The following LIPA variants were observed in gnomAD, a reference collection of about 807,000 sequenced individuals.
LIPA encodes the protein lysosomal acid lipase/cholesteryl ester hydrolase.
A neutral mutation model predicts 40.6 loss-of-function variants in LIPA; 26 were observed. The ratio of observed to expected loss-of-function variants is 0.64; its 90% CI spans 0.47 to 0.89. The LOEUF (loss-of-function observed/expected upper bound fraction) is 0.89. LIPA is among the 40% of genes least tolerant of loss of function. The pLI is 0.00. For synonymous variants in LIPA, 188 were observed against 168.4 expected (o/e 1.12, Z -0.90); for missense variants, 455 against 479.6 (o/e 0.95, Z 0.48).
intron 2 of LIPA, among the ~76,000 whole-genome samples, chr10:89,365,659 T>C (rs1844051243): frequency 6.6e-6 from 1 of 152,122 alleles, no homozygotes; most frequent in African/African-American, 2.4e-5. Context: ...AGTTTCAGCT[T>C]TCTACATATG....
At chr10:89,284,987 A>C (rs536711454) in intron 1 of LIPA, 1 of 152,144 alleles carries the variant, frequency 6.6e-6, no homozygotes, top group Admixed American at 6.5e-5. Flanking sequence ...CAAATCTTAT[A>C]AAAACAGCCC....
At chr10:89,233,322 T>C (rs917399565) in intron 3 of LIPA, among the ~76,000 whole-genome samples, 1 of 152,146 alleles carries the variant, frequency 6.6e-6, no homozygotes, top group African/African-American at 2.4e-5. Flanking sequence ...TGTTTTCTCA[T>C]GGGAAATGCT....
chr10:89,307,686 G>T, intron 1 of LIPA: 1 of 238,902 alleles, frequency 4.2e-6, no homozygotes, highest in Non-Finnish European at 8.3e-6. Flanking sequence ...TAATCTACTG[G>T]GCTTGTTTCT....
intron 1 of LIPA, among the ~76,000 whole-genome samples, chr10:89,311,434 G>A (rs1207049701): frequency 6.6e-6 from 1 of 150,626 alleles, no homozygotes; most frequent in Non-Finnish European, 1.5e-5. Flanking sequence ...GGAGGTTGAG[G>A]CAGGAGAATC....
At chr10:89,400,891 T>C (rs1280555059) in intron 2 of LIPA, among the ~76,000 whole-genome samples, 1 of 152,128 alleles carries the variant, frequency 6.6e-6, no homozygotes, top group Non-Finnish European at 1.5e-5. Flanking sequence ...ATACTAGCTA[T>C]AGGTTTTTCA....
intron 3 of LIPA, among the ~76,000 whole-genome samples, chr10:89,236,298 A>G (rs182558677): frequency 6.6e-6 from 1 of 152,374 alleles, no homozygotes; most frequent in Admixed American, 6.5e-5. Flanking sequence ...TTTATTGTGT[A>G]CTACTGTAAT....
intron 1 of LIPA, chr10:89,278,023 C>T (rs1258002769): frequency 6.6e-6 from 1 of 152,044 alleles, no homozygotes; most frequent in Non-Finnish European, 1.5e-5. Context: ...ACCCCTCATA[C>T]AATCCTGCCT....
intron 3 of LIPA, among the ~76,000 whole-genome samples, chr10:89,231,526 G>A (rs1177437271): frequency 6.6e-6 from 1 of 151,890 alleles, no homozygotes; most frequent in Non-Finnish European, 1.5e-5. Context: ...ACCTAGACTG[G>A]AGTGCAGTGG....
chr10:89,367,767 T>A (rs1844069831), intron 2 of LIPA, among the ~76,000 whole-genome samples: 1 of 152,208 alleles, frequency 6.6e-6, no homozygotes, highest in Non-Finnish European at 1.5e-5. Flanking sequence ...GGGTAATTAC[T>A]GCTGACTGAG....
At chr10:89,266,686 T>C (rs1589583276) in intron 1 of LIPA, among the ~76,000 whole-genome samples, 1 of 152,326 alleles carries the variant, frequency 6.6e-6, no homozygotes, top group East Asian at 1.9e-4. Context: ...TATAAAAAAA[T>C]GTTTTACTCA....
chr10:89,404,664 T>C (rs938651021), intron 2 of LIPA: 1 of 152,220 alleles, frequency 6.6e-6, no homozygotes, highest in Non-Finnish European at 1.5e-5. Flanking sequence ...AGGCTGCAGG[T>C]TGCAGGAGAG....
At chr10:89,316,870 G>A (rs555531317) in intron 1 of LIPA, among the ~76,000 whole-genome samples, 4 of 152,332 alleles carry the variant, frequency 2.6e-5, no homozygotes, top group South Asian at 4.1e-4. Flanking sequence ...GCACCTCTGC[G>A]ATGAAGCTTC....
At chr10:89,289,214 C>T (rs1203170735) in intron 1 of LIPA, among the ~76,000 whole-genome samples, 2 of 152,256 alleles carry the variant, frequency 1.3e-5, no homozygotes, top group African/African-American at 4.8e-5. Flanking sequence ...TCCTTCCAGC[C>T]TCACGGGCCC....
intron 5 of LIPA, 48 bp downstream of exon 5, chr10:89,226,847 C>G (rs760326344): frequency 1.4e-5 from 15 of 1,103,396 alleles, no homozygotes; most frequent in Non-Finnish European, 2.1e-5. Flanking sequence ...AGTACAAACT[C>G]TGTAATGAAG....
At chr10:89,343,485 G>A (rs897039147), upstream of LIPA, among the ~76,000 whole-genome samples, 2 of 152,204 alleles carry the variant, frequency 1.3e-5, no homozygotes, top group Non-Finnish European at 2.9e-5. Context: ...TCTTGCGGAA[G>A]AGGAATTCTA....
intron 1 of LIPA, among the ~76,000 whole-genome samples, chr10:89,302,969 C>T (rs916973279): frequency 6.7e-6 from 1 of 148,440 alleles, no homozygotes; most frequent in Non-Finnish European, 1.5e-5. Flanking sequence ...CTTCTTGAAA[C>T]GATATTATTT....
intron 8 of LIPA, among the ~76,000 whole-genome samples, chr10:89,221,705 C>A (rs919606274): frequency 2.0e-5 from 3 of 152,088 alleles, no homozygotes; most frequent in Admixed American, 2.0e-4. Context: ...AAGTCCCTGA[C>A]ATATTGTCAG....
chr10:89,259,610 T>C, intron 1 of LIPA, among the ~76,000 whole-genome samples: 1 of 152,196 alleles, frequency 6.6e-6, no homozygotes, highest in East Asian at 1.9e-4. Flanking sequence ...TTATTTGTAA[T>C]AGCCATAAAC....
At chr10:89,248,169 AT>A (rs771857161) in intron 1 of LIPA, among the ~76,000 whole-genome samples, 134 of 120,598 alleles carry the variant, frequency 1.1e-3, no homozygotes, top group Middle Eastern at 6.8e-3. Context: ...CTGCCCAGGA[AT>A]TTTTTTTTTT....
Sources: gnomAD v4.1 joint callset for allele counts (sites outside exome capture counted in the v4.1 genomes callset) on GRCh38, gnomAD v4.1.1 for gene constraint, MANE v1.5 for transcripts, NCBI Gene and HGNC (gene_info 2026-07-23, HGNC 2026-07-21) for gene names.